CLASP2: variants seen among roughly 807,000 people sequenced by gnomAD.
The protein encoded by CLASP2 is cytoplasmic linker associated protein 2, also known as CLIP-associating protein 2.
Under a neutral mutation model 194.4 loss-of-function variants are expected in CLASP2, and 47 were observed. The observed-to-expected ratio is 0.24, with a 90% CI of 0.19 to 0.31. The LOEUF (loss-of-function observed/expected upper bound fraction) is 0.31, where lower values mean the gene tolerates loss of function less well. Ranked by LOEUF, CLASP2 falls within the 10% of genes least tolerant of loss-of-function variation. CLASP2 has a pLI of 1.00. For missense variants in CLASP2, 1,445 were observed against 1,823.6 expected (o/e 0.79, Z 3.78); for synonymous variants, 619 against 633.5 (o/e 0.98, Z 0.34).
intron 8 of CLASP2, chr3:33,644,472 C>A (rs2081934291): frequency 8.6e-6 from 3 of 350,388 alleles, no homozygotes; most frequent in Non-Finnish European, 1.6e-5. Context: ...TTAAAAAAAA[C>A]AAAAAAACCC....
At chr3:33,521,988 C>T (rs540831683) in intron 34 of CLASP2, among the ~76,000 whole-genome samples, 9 of 152,182 alleles carry the variant, frequency 5.9e-5, no homozygotes, top group Admixed American at 2.6e-4. Context: ...CCTTATCCTG[C>T]GGATACTGAG....
chr3:33,702,069 A>C (rs1329986059), intron 1 of CLASP2, among the ~76,000 whole-genome samples: 2 of 152,200 alleles, frequency 1.3e-5, no homozygotes, highest in Non-Finnish European at 2.9e-5. Context: ...TCACAGATTA[A>C]GAGAAAATAT....
Position 33,525,509 on chromosome 3 carries a change from C to G in CLASP2, c.3788-8335G>C, listed in dbSNP as rs540257445. 2.1e-3 allele frequency among the ~76,000 whole-genome samples: 321 copies of G among 152,096 alleles called. 3 individuals carry two copies. Among genetic ancestry groups the G allele is most frequent in the African/African-American group, 7.5e-3 (312 of 41,500 alleles). On this transcript the variant is annotated intron_variant, in intron 34 of 38. Transcript: ENST00000682230. ...ACAGCAGCCCACTAGAGAGCAACAC[C>G]GAGCCAGGGGAACCTCCCCTGCCTA...
Position 33,584,786 on chromosome 3 carries a change from A to C in CLASP2, c.2203T>G (p.Cys735Gly), listed in dbSNP as rs758442813. Residue 735 changes from cysteine to glycine, a missense_variant, in exon 22 of 39, where the codon TGT (cysteine) becomes GGT (glycine). By Grantham distance (159) the Cys-to-Gly change is radical (BLOSUM62 -3). Around this residue, in one of 4 missense-constraint regions of CLASP2, gnomAD observed 732 missense variants for 987.9 expected, o/e 0.74. Coordinates refer to ENST00000682230, the MANE Select transcript of CLASP2 (RefSeq NM_001365631.1). The stretch of plus-strand genomic sequence containing the variant: ...CTAGATGGACTAGCCTCTCTGCTAC[A>C]GCCCTGGCTCCGTGGTATCTTGCTT... ...KRSKIPRSQGCSREASPSRLS... is the reference protein window; with the variant it reads ...KRSKIPRSQGGSREASPSRLS... 79 of 1,612,488 alleles carry C rather than the reference A, an allele frequency of 4.9e-5. No individual in the cohort carries two copies. The highest frequency in any genetic ancestry group is 6.7e-5 in the Non-Finnish European group (79 of 1,179,556).
chr3:33,554,467 A>C (rs1313328818), intron 29 of CLASP2, among the ~76,000 whole-genome samples: 2 of 152,232 alleles, frequency 1.3e-5, no homozygotes, highest in African/African-American at 2.4e-5. Context: ...AAATTTATAG[A>C]AACAGAGAGT....
intron 12 of CLASP2, among the ~76,000 whole-genome samples, chr3:33,613,446 C>A (rs2075560250): frequency 6.6e-6 from 1 of 152,206 alleles, no homozygotes; most frequent in African/African-American, 2.4e-5. Context: ...TCCTTTAAGA[C>A]ACTGGCAACA....
At chr3:33,612,140 T>C (rs2075301951) in intron 12 of CLASP2, 69 bp from the exon 13 acceptor site, 2 of 938,840 alleles carry the variant, frequency 2.1e-6, no homozygotes, top group Non-Finnish European at 3.3e-6. Context: ...TCTATTTGCC[T>C]TACATTCAAG....
At chr3:33,715,847 TAAAAAAAAAAAAA>T (rs59528446) in intron 1 of CLASP2, among the ~76,000 whole-genome samples, 4 of 62,170 alleles carry the variant, frequency 6.4e-5, no homozygotes, top group South Asian at 9.1e-4. Flanking sequence ...GTATCTTAAG[TAAAAAAAAAAAAA>T]AAAAAAAAAA....
At chr3:33,645,341 C>T (rs2082094335) in intron 7 of CLASP2, 3 of 765,040 alleles carry the variant, frequency 3.9e-6, no homozygotes, top group Non-Finnish European at 7.2e-6. Flanking sequence ...TAATTTCCCT[C>T]ACCCTAGGAG....
At chr3:33,598,000 A>G (rs1404792330) in intron 18 of CLASP2, among the ~76,000 whole-genome samples, 1 of 151,722 alleles carries the variant, frequency 6.6e-6, no homozygotes, top group Non-Finnish European at 1.5e-5. Flanking sequence ...TGATCTGCCC[A>G]CCCAGGCCTC....
chr3:33,573,607 T>C (rs901151344), intron 24 of CLASP2, among the ~76,000 whole-genome samples: 3 of 152,318 alleles, frequency 2.0e-5, no homozygotes, highest in East Asian at 1.9e-4. Context: ...AGTTCAGATA[T>C]GTAAAGTGGG....
In CLASP2 at chr3:33,498,532, G is replaced by T; in HGVS notation, c.*99C>A. 3 of 728,282 alleles carry T rather than the reference G, an allele frequency of 4.1e-6. No individual in the cohort carries two copies. In the South Asian group the frequency reaches 6.0e-5, roughly 15 times the overall value. The allele number at this position is 728,282 out of a possible 1,614,324, so 45.1% of individuals were successfully genotyped here. A position where few individuals can be genotyped will look rare whatever the true frequency, so the allele number is the denominator to read the frequency against. ...AAAAAACTAAAACTGGGAAACAATAGTAAGTTCCAAAGGATGTGTTTGAGA... is the reference window on the plus strand; with the variant it reads ...AAAAAACTAAAACTGGGAAACAATATTAAGTTCCAAAGGATGTGTTTGAGA... On this transcript the variant is annotated 3_prime_UTR_variant, in exon 39 of 39. Transcript: ENST00000682230.
chr3:33,711,636 A>C (rs2093015342), intron 1 of CLASP2, among the ~76,000 whole-genome samples: 1 of 151,872 alleles, frequency 6.6e-6, no homozygotes, highest in South Asian at 2.1e-4. Flanking sequence ...GAATGTAAGG[A>C]CTAATATCCA....
At chr3:33,625,129 C>G (rs1303925637) in intron 10 of CLASP2, among the ~76,000 whole-genome samples, 1 of 129,886 alleles carries the variant, frequency 7.7e-6, no homozygotes, top group African/African-American at 2.9e-5. Flanking sequence ...GTTAAAATAG[C>G]AAAACAATAA....
At chr3:33,642,682 A>G (rs751190771) in intron 8 of CLASP2, among the ~76,000 whole-genome samples, 3 of 151,964 alleles carry the variant, frequency 2.0e-5, no homozygotes, top group Non-Finnish European at 4.4e-5. Flanking sequence ...CAACCAATTT[A>G]AAAATCAACA....
intron 7 of CLASP2, among the ~76,000 whole-genome samples, chr3:33,647,559 G>C (rs2082476866): frequency 6.6e-6 from 1 of 152,142 alleles, no homozygotes; most frequent in Non-Finnish European, 1.5e-5. Flanking sequence ...TACACATACG[G>C]CCTTTCCATG....
At chr3:33,569,535 G>T (rs1291280798) in intron 26 of CLASP2, among the ~76,000 whole-genome samples, 1 of 152,088 alleles carries the variant, frequency 6.6e-6, no homozygotes, top group Non-Finnish European at 1.5e-5. Context: ...AGGATTTATA[G>T]AAATTTTTAC....
rs1366416521 is a variant in CLASP2 at position 33,497,676 on chromosome 3, G to A, written c.*955C>T. 6.6e-6 allele frequency: 1 copy of A among 152,546 alleles called. No individual in the cohort carries two copies. The highest frequency in any genetic ancestry group is 1.5e-5 in the Non-Finnish European group (1 of 68,034). 9.4% of individuals were successfully genotyped at this position (152,546 alleles called of 1,614,324 possible). Reference sequence around the variant, plus strand: ...CCAGGTTCCACCATTTAAAGAAAAGGTGCTGGTCACTCCCATGTCTCGATA... The same window carrying A: ...CCAGGTTCCACCATTTAAAGAAAAGATGCTGGTCACTCCCATGTCTCGATA... On this transcript the variant is annotated 3_prime_UTR_variant, in exon 39 of 39. Coordinates refer to ENST00000682230, the MANE Select transcript of CLASP2 (RefSeq NM_001365631.1).
At chr3:33,571,162 C>T (rs550291505) in intron 25 of CLASP2, among the ~76,000 whole-genome samples, 42 of 151,562 alleles carry the variant, frequency 2.8e-4, no homozygotes, top group East Asian at 1.6e-3. Flanking sequence ...TACAGGCGCC[C>T]GCCACCTCGC....
Sources: allele counts gnomAD v4.1 joint callset (sites outside exome capture counted in the v4.1 genomes callset), GRCh38; gene constraint gnomAD v4.1.1; regional missense constraint gnomAD v4.1.1; transcripts MANE v1.5; gene names NCBI Gene and HGNC (gene_info 2026-07-23, HGNC 2026-07-21).